Variants in KDM3B observed in about 807,000 individuals in gnomAD.
KDM3B encodes lysine demethylase 3B.
A neutral mutation model predicts 170.0 loss-of-function variants in KDM3B; 10 were observed. The ratio of observed to expected loss-of-function variants is 0.06; its 90% confidence interval spans 0.04 to 0.10. The LOEUF (loss-of-function observed/expected upper bound fraction) is 0.10, where lower values mean the gene tolerates loss of function less well. Ranked by LOEUF, KDM3B falls within the 10% of genes least tolerant of loss-of-function variation. The probability of loss-of-function intolerance (pLI) is 1.00; values close to 1 mark genes in which losing one functional copy is unlikely to be tolerated. For missense variants in KDM3B, 1,394 were observed against 2,195.2 expected, an observed-to-expected ratio of 0.64 and a Z score of 7.29; for synonymous variants, 831 against 834.8, an observed-to-expected ratio of 1.00 and a Z score of 0.08.
intron 11 of KDM3B, among the ~76,000 whole-genome samples, chr5:138,400,685 G>T (rs987018861): frequency 5.9e-5 from 9 of 152,042 alleles, no homozygotes; most frequent in African/African-American, 2.2e-4. Flanking sequence ...AGAGTTTGAG[G>T]TTATAGTGAG....
At chr5:138,353,044 C>T (rs1037450347) in intron 1 of KDM3B, 57 bp downstream of exon 1, 47 of 1,182,298 alleles carry the variant, frequency 4.0e-5, no homozygotes, top group Non-Finnish European at 4.8e-5. Context: ...TGCGGGCGGC[C>T]TCCCCGGGGG....
intron 14 of KDM3B, among the ~76,000 whole-genome samples, chr5:138,419,728 T>TACACACAC (rs144047213): frequency 0.052 from 6,287 of 121,994 alleles, 252 homozygotes; most frequent in East Asian, 0.24. Flanking sequence ...TACACACACA[T>TACACACAC]ACACACACAC....
chr5:138,392,356 G>A (rs908586014), intron 8 of KDM3B, 95 bp downstream of exon 8: 1 of 1,272,602 alleles, frequency 7.9e-7, no homozygotes, highest in Non-Finnish European at 1.0e-6. Flanking sequence ...CTTTGATGGA[G>A]AGTTCTGTAA....
intron 11 of KDM3B, among the ~76,000 whole-genome samples, chr5:138,401,270 C>CAAAA (rs555563348): frequency 7.5e-6 from 1 of 132,566 alleles, no homozygotes. Flanking sequence ...GACTTCATCT[C>CAAAA]AAAAAAAAAA....
intron 7 of KDM3B, among the ~76,000 whole-genome samples, chr5:138,389,762 T>TTCTC (rs368227371): frequency 2.9e-4 from 40 of 138,964 alleles, no homozygotes; most frequent in African/African-American, 9.6e-4. Context: ...TATGGGTCTC[T>TTCTC]TCTCTCTCTC....
Position 138,413,415 on chromosome 5 carries a change from G to A in KDM3B, c.3200-1717G>A, listed in dbSNP as rs187411638. ...AAAAAAGAAAACCGGACAGTATCAA[G>A]TATTATCAAGGATGTAGAAGTAGAC... On this transcript the variant is annotated intron_variant, in intron 11 of 23. Transcript: ENST00000314358. 4.0e-5 allele frequency among the ~76,000 whole-genome samples: 6 copies of A among 151,758 alleles called. 1 individual carries two copies. Among genetic ancestry groups the A allele is most frequent in the Non-Finnish European group, 7.4e-5 (5 of 67,912 alleles).
intron 2 of KDM3B, chr5:138,374,193 C>T: frequency 5.9e-6 from 2 of 337,832 alleles, no homozygotes; most frequent in African/African-American, 2.2e-5. Context: ...AGGGTTTCAC[C>T]ATGTTGTCCA....
intron 1 of KDM3B, among the ~76,000 whole-genome samples, chr5:138,368,395 G>A (rs554201386): frequency 2.7e-5 from 4 of 148,450 alleles, no homozygotes; most frequent in African/African-American, 9.9e-5. Context: ...ACCATGCCTG[G>A]TTTTTTTTTT....
chr5:138,432,330 T>G (rs1021548393), intron 23 of KDM3B, among the ~76,000 whole-genome samples: 2 of 152,136 alleles, frequency 1.3e-5, no homozygotes, highest in Non-Finnish European at 2.9e-5. Context: ...AGCTGAACAA[T>G]CAGATTAGGT....
chr5:138,353,293 C>G (rs1761375330), intron 1 of KDM3B, among the ~76,000 whole-genome samples: 2 of 152,224 alleles, frequency 1.3e-5, no homozygotes, highest in South Asian at 2.1e-4. Flanking sequence ...GCCTTCGGAG[C>G]AGGCTCTCGA....
At chr5:138,387,689 G>T (rs112358583) in intron 7 of KDM3B, among the ~76,000 whole-genome samples, 1 of 152,294 alleles carries the variant, frequency 6.6e-6, no homozygotes, top group African/African-American at 2.4e-5. Context: ...ACTGTTGATG[G>T]TTTGTCCTGT....
chr5:138,411,934 T>A (rs1445304166), intron 11 of KDM3B, among the ~76,000 whole-genome samples: 7 of 148,664 alleles, frequency 4.7e-5, no homozygotes, highest in Non-Finnish European at 1.0e-4. Flanking sequence ...GGTCTCGAAC[T>A]CCTGATCTCA....
chr5:138,390,015 A>G (rs951411481), intron 7 of KDM3B, among the ~76,000 whole-genome samples: 3 of 151,886 alleles, frequency 2.0e-5, no homozygotes, highest in Non-Finnish European at 2.9e-5. Flanking sequence ...ACGTGCCACC[A>G]TGCCCGGCTC....
At chr5:138,395,695 C>T (rs1248340521) in intron 9 of KDM3B, among the ~76,000 whole-genome samples, 1 of 152,096 alleles carries the variant, frequency 6.6e-6, no homozygotes, top group South Asian at 2.1e-4. Context: ...TGGCTCACTG[C>T]AACCTCCATC....
intron 6 of KDM3B, among the ~76,000 whole-genome samples, chr5:138,382,805 T>G (rs1171502662): frequency 6.6e-6 from 1 of 152,194 alleles, no homozygotes; most frequent in Non-Finnish European, 1.5e-5. Context: ...AAGAACTGTT[T>G]ACTACATGTA....
chr5:138,362,587 A>ACACACACACACAC (rs1561755732), intron 1 of KDM3B, among the ~76,000 whole-genome samples: 2 of 78,496 alleles, frequency 2.5e-5, no homozygotes, highest in African/African-American at 6.9e-5. Flanking sequence ...CACACACACA[A>ACACACACACACAC]AATATCTTAA....
Position 138,410,560 on chromosome 5 carries a change from A to C in KDM3B, c.3200-4572A>C, listed in dbSNP as rs570917912. ...TGGGTCTCTCCCCGTGTGCGGCGAC[A>C]AGAGAGTGTAGAAATAAAGACACAA... On this transcript the variant is annotated intron_variant, in intron 11 of 23. Transcript: ENST00000314358. Among the ~76,000 whole-genome samples, 10 of 152,222 alleles carry C rather than the reference A, an allele frequency of 6.6e-5. No homozygotes were observed. The South Asian group carries it at 2.1e-3, about 32-fold the overall frequency.
At chr5:138,408,338 CTTTCTTTTTTT>C (rs1206998981) in intron 11 of KDM3B, among the ~76,000 whole-genome samples, 1 of 150,030 alleles carries the variant, frequency 6.7e-6, no homozygotes, top group African/African-American at 2.5e-5. Flanking sequence ...CTTTCTCTTT[CTTTCTTTTTTT>C]TTTCTTTTTT....
At position 138,366,520 on chromosome 5, in the gene KDM3B, A is replaced by G. The variant is rs1761749384; in HGVS notation, c.193-6154A>G. On this transcript the variant is annotated intron_variant, in intron 1 of 23. Transcript: ENST00000314358. ...CTAATTTTTTATTTTTGTAGAGACA[A>G]GGTCTCACCTATGTTACCCAGGATG... 3.9e-5 allele frequency among the ~76,000 whole-genome samples: 6 copies of G among 152,008 alleles called. 1 individual carries two copies. The South Asian group carries it at 1.0e-3, about 26-fold the overall frequency.
Sources: gnomAD v4.1 joint callset for allele counts (sites outside exome capture counted in the v4.1 genomes callset) on GRCh38, gnomAD v4.1.1 for gene constraint, MANE v1.5 for transcripts, NCBI Gene and HGNC (gene_info 2026-07-23, HGNC 2026-07-21) for gene names.